The following YAE1 variants were observed in gnomAD, a reference collection of about 807,000 sequenced individuals.
YAE1 encodes the protein YAE1 maturation factor of ABCE1.
YAE1 carries 22 observed loss-of-function variants against 23.0 expected under a neutral mutation model. The ratio of observed to expected loss-of-function variants is 0.96; its 90% CI spans 0.68 to 1.37. The LOEUF (loss-of-function observed/expected upper bound fraction) is 1.37. Ranked by LOEUF, YAE1 falls within the 40% of genes most tolerant of loss-of-function variation. The pLI is 0.00. For synonymous variants in YAE1, 101 were observed against 97.0 expected (o/e 1.04, Z -0.24); for missense variants, 260 against 262.1 (o/e 0.99, Z 0.06).
At chr7:39,604,761 G>A (rs1429974788) in intron 2 of YAE1, among the ~76,000 whole-genome samples, 2 of 152,098 alleles carry the variant, frequency 1.3e-5, no homozygotes, top group Non-Finnish European at 2.9e-5. Flanking sequence ...GTATAAAGGA[G>A]TTAGAACACA....
intron 2 of YAE1, among the ~76,000 whole-genome samples, chr7:39,607,281 T>C (rs1320589061): frequency 3.3e-5 from 5 of 152,224 alleles, no homozygotes; most frequent in Admixed American, 6.5e-5. Context: ...TTAGATTATA[T>C]AGGAAAGGAA....
intron 1 of YAE1, among the ~76,000 whole-genome samples, chr7:39,568,129 T>C (rs564164464): frequency 1.3e-5 from 2 of 152,072 alleles, no homozygotes; most frequent in South Asian, 2.1e-4. Flanking sequence ...TCCCAGCTAC[T>C]TGGGAGGCTG....
chr7:39,609,752 G>A (rs777517387), exon 3 of YAE1: 1 of 1,535,142 alleles, frequency 6.5e-7, no homozygotes, highest in South Asian at 1.2e-5. Context: ...AGCCCACGGA[G>A]CTCGAGGCGA....
chr7:39,577,930 CTG>C (rs1284782266), intron 2 of YAE1, among the ~76,000 whole-genome samples: 2 of 146,284 alleles, frequency 1.4e-5, no homozygotes, highest in African/African-American at 5.6e-5. Context: ...AGTCAGCACT[CTG>C]TGTCTAGCTC....
chr7:39,566,658 C>T, intron 1 of YAE1, 111 bp downstream of exon 1: 2 of 1,442,500 alleles, frequency 1.4e-6, no homozygotes, highest in African/African-American at 1.4e-5. Flanking sequence ...CTCTCTTTAT[C>T]CCTAGGGACC....
At chr7:39,591,797 T>G (rs954960636) in intron 2 of YAE1, among the ~76,000 whole-genome samples, 9 of 152,336 alleles carry the variant, frequency 5.9e-5, no homozygotes, top group African/African-American at 2.2e-4. Flanking sequence ...ACAGAGTATT[T>G]CCACTGCCCT....
At chr7:39,599,540 A>G (rs1169525101) in intron 2 of YAE1, among the ~76,000 whole-genome samples, 1 of 151,924 alleles carries the variant, frequency 6.6e-6, no homozygotes, top group Non-Finnish European at 1.5e-5. Context: ...ACGCCTGGCC[A>G]GTTTTTGTAT....
chr7:39,587,946 A>T (rs1196066188), intron 2 of YAE1, among the ~76,000 whole-genome samples: 1 of 152,230 alleles, frequency 6.6e-6, no homozygotes, highest in African/African-American at 2.4e-5. Context: ...TTAGTTTTTT[A>T]AAATCACGAT....
chr7:39,578,943 A>G (rs1422907577), intron 2 of YAE1, among the ~76,000 whole-genome samples: 1 of 152,250 alleles, frequency 6.6e-6, no homozygotes, highest in Admixed American at 6.5e-5. Context: ...ATGTTTTAGT[A>G]TAGTTTCCGC....
chr7:39,579,865 T>A (rs1790715604), intron 2 of YAE1, among the ~76,000 whole-genome samples: 1 of 151,850 alleles, frequency 6.6e-6, no homozygotes, highest in Admixed American at 6.6e-5. Context: ...CTGGGCAACA[T>A]GGCAAAAGCC....
downstream of YAE1, among the ~76,000 whole-genome samples, chr7:39,577,452 G>T (rs1295031023): frequency 1.3e-5 from 2 of 152,040 alleles, no homozygotes; most frequent in East Asian, 3.9e-4. Context: ...AGTGAGAGTG[G>T]CGAGCCAGCG....
chr7:39,588,017 T>A (rs1326460249), intron 2 of YAE1, among the ~76,000 whole-genome samples: 2 of 152,254 alleles, frequency 1.3e-5, no homozygotes, highest in African/African-American at 4.8e-5. Flanking sequence ...TCATCTGGTT[T>A]CCGGGACTTG....
At chr7:39,589,479 A>C (rs1270621600) in intron 2 of YAE1, among the ~76,000 whole-genome samples, 1 of 151,958 alleles carries the variant, frequency 6.6e-6, no homozygotes, top group Non-Finnish European at 1.5e-5. Flanking sequence ...GGCTGGTCTC[A>C]AACTCCTGAG....
intron 1 of YAE1, chr7:39,566,842 G>A (rs575595355): frequency 2.4e-4 from 77 of 317,286 alleles, no homozygotes; most frequent in African/African-American, 1.4e-3. Context: ...AGGGAAAGGA[G>A]CTGGAGAGAA....
intron 2 of YAE1, among the ~76,000 whole-genome samples, chr7:39,593,177 CTTT>C (rs56303591): frequency 2.1e-4 from 15 of 72,114 alleles, no homozygotes; most frequent in East Asian, 1.1e-3. Flanking sequence ...TTGGTTATTT[CTTT>C]TTTTTTTTTT....
At chr7:39,601,203 A>G (rs1253075407) in intron 2 of YAE1, among the ~76,000 whole-genome samples, 1 of 152,242 alleles carries the variant, frequency 6.6e-6, no homozygotes, top group Non-Finnish European at 1.5e-5. Context: ...GACCAGCATC[A>G]TATTACTAAG....
At chr7:39,611,718 T>C (rs899972849), downstream of YAE1, among the ~76,000 whole-genome samples, 7 of 152,348 alleles carry the variant, frequency 4.6e-5, no homozygotes, top group East Asian at 1.3e-3. Context: ...ATACATTTAT[T>C]TTTTTACCAT....
chr7:39,566,491 G>A lies in YAE1; in HGVS notation c.73G>A (p.Asp25Asn). The A allele has an allele frequency of 2.5e-6, 4 of 1,614,196 alleles. No individual in the cohort carries two copies. Among genetic ancestry groups the A allele is most frequent in the Non-Finnish European group, 3.4e-6 (4 of 1,180,030 alleles). The change falls in exon 1 of 3, where the codon GAC becomes AAC. Residue 25 changes from aspartate (D) to asparagine (N), a missense_variant. Coordinates refer to ENST00000223273, the MANE Select transcript of YAE1 (RefSeq NM_020192.5). Reference sequence around the variant, plus strand: ...AGGGGACGTGTTTGACGAAGAAGCAGACGAGTCGCTCCTGGCGCAGCGGGA... The same window carrying A: ...AGGGGACGTGTTTGACGAAGAAGCAAACGAGTCGCTCCTGGCGCAGCGGGA... The part of the protein sequence containing the change: ...DKGDVFDEEA[D>N]ESLLAQREWQ...
intron 2 of YAE1, among the ~76,000 whole-genome samples, chr7:39,593,177 C>A (rs199946919): frequency 1.4e-5 from 1 of 72,118 alleles, no homozygotes; most frequent in Non-Finnish European, 2.3e-5. Context: ...TTGGTTATTT[C>A]TTTTTTTTTT....
Sources: allele counts gnomAD v4.1 joint callset (sites outside exome capture counted in the v4.1 genomes callset), GRCh38; gene constraint gnomAD v4.1.1; transcripts MANE v1.5; gene names NCBI Gene and HGNC (gene_info 2026-07-23, HGNC 2026-07-21).